Variants in ARHGAP23 observed in about 807,000 individuals in gnomAD.
ARHGAP23 encodes rho GTPase-activating protein 23.
In ARHGAP23, 34 loss-of-function variants were observed where a neutral mutation model predicts 136.3. The ratio of observed to expected loss-of-function variants is 0.25; its 90% confidence interval spans 0.19 to 0.33. The LOEUF (loss-of-function observed/expected upper bound fraction) is 0.33. Among genes scored for constraint, ARHGAP23 ranks in the 10% least tolerant of loss-of-function variants. The probability of loss-of-function intolerance (pLI) is 1.00; values close to 1 mark genes in which losing one functional copy is unlikely to be tolerated. For synonymous variants in ARHGAP23, 832 were observed against 920.5 expected (o/e 0.90, Z 1.74); for missense variants, 1,808 against 2,139.0 (o/e 0.85, Z 3.05).
At chr17:38,489,483 T>C (rs1396012077) in intron 17 of ARHGAP23, among the ~76,000 whole-genome samples, 2 of 149,932 alleles carry the variant, frequency 1.3e-5, no homozygotes, top group East Asian at 4.0e-4. Flanking sequence ...GCTTCCCCCC[T>C]TTCTAGCCTT....
At chr17:38,435,474 C>T (rs2038774486) in intron 1 of ARHGAP23, among the ~76,000 whole-genome samples, 1 of 152,194 alleles carries the variant, frequency 6.6e-6, no homozygotes, top group South Asian at 2.1e-4. Context: ...TTGGACTGAG[C>T]AATGCACAGG....
chr17:38,497,532 C>G (rs1360216754), intron 20 of ARHGAP23, among the ~76,000 whole-genome samples: 2 of 152,226 alleles, frequency 1.3e-5, no homozygotes, highest in African/African-American at 2.4e-5. Flanking sequence ...GGTGAATGCT[C>G]CCACTCCCTG....
In ARHGAP23 at chr17:38,490,555, G is replaced by C. The variant is rs769723627; in HGVS notation, c.3150+4G>C. 3.3e-6 allele frequency: 5 copies of C among 1,533,022 alleles called. No individual in the cohort carries two copies. In the South Asian group the frequency reaches 6.0e-5, roughly 18 times the overall value. 95.0% of individuals were successfully genotyped at this position (1,533,022 alleles called of 1,614,324 possible). ...TGACCACTCTGAGAAAAACAAGGTG[G>C]GTAGGAGTCCCGCATGGAGTCTGGG... On this transcript the variant is annotated splice_donor_region_variant and intron_variant, in intron 19 of 23. Transcript: ENST00000622683.
chr17:38,498,055 C>T (rs544932110), intron 21 of ARHGAP23, among the ~76,000 whole-genome samples: 7 of 148,736 alleles, frequency 4.7e-5, no homozygotes, highest in Admixed American at 2.7e-4. Context: ...GAGATATAGG[C>T]CTTGCTCAGA....
intron 1 of ARHGAP23, chr17:38,457,887 G>A: frequency 1.6e-6 from 1 of 606,362 alleles, no homozygotes; most frequent in Non-Finnish European, 2.9e-6. Flanking sequence ...GGGGACTGAG[G>A]GGAAAGGAAA....
In ARHGAP23 at chr17:38,477,635, C is replaced by A; in HGVS notation, c.2175C>A (p.Arg725=). ...GGGTGTACGCCGCGCTGCGGGCGCG[C>A]TCGCTCTCGCTGAGCAAGGAGCGGC... is the stretch of plus-strand genomic sequence containing the variant. ...WKRVYAALRA[R]SLSLSKERRE... The change falls in exon 12 of 24, where the codon CGC becomes CGA. Residue 725 remains arginine, a synonymous_variant. Transcript: ENST00000622683. This position sits in a 1 kb window ranked among gnomAD's most constrained non-coding sequence, Gnocchi z 6.6. The A allele has an allele frequency of 7.9e-7, 1 of 1,272,924 alleles. No individual in the cohort carries two copies. The highest frequency in any genetic ancestry group is 1.0e-6 in the Non-Finnish European group (1 of 1,003,754). 78.9% of individuals were successfully genotyped at this position (1,272,924 alleles called of 1,614,324 possible). A position where few individuals can be genotyped will look rare whatever the true frequency, so the allele number is the denominator to read the frequency against.
chr17:38,436,580 C>T (rs1280930194), intron 1 of ARHGAP23, among the ~76,000 whole-genome samples: 1 of 152,228 alleles, frequency 6.6e-6, no homozygotes, highest in Non-Finnish European at 1.5e-5. Flanking sequence ...TCCAGGCTCT[C>T]TCTTGGGACC....
chr17:38,462,069 C>A (rs2039472324), intron 3 of ARHGAP23, among the ~76,000 whole-genome samples: 1 of 151,898 alleles, frequency 6.6e-6, no homozygotes, highest in East Asian at 1.9e-4. Context: ...TCTTCTGCCT[C>A]AGCCTCCTGA....
chr17:38,467,368 A>C (rs994895856), intron 7 of ARHGAP23, 37 bp downstream of exon 7: 4 of 1,449,154 alleles, frequency 2.8e-6, no homozygotes, highest in Non-Finnish European at 2.7e-6. Flanking sequence ...TGGGGGACTT[A>C]GCTGTCGGCT....
At chr17:38,453,801 G>A (rs1003168383) in intron 1 of ARHGAP23, 1 of 144,514 alleles carries the variant, frequency 6.9e-6, no homozygotes, top group Non-Finnish European at 1.5e-5. Flanking sequence ...GCGGCTCCGG[G>A]GGGCGGGCGG....
chr17:38,502,810 C>T (rs1268177328), intron 23 of ARHGAP23, among the ~76,000 whole-genome samples: 1 of 152,092 alleles, frequency 6.6e-6, no homozygotes, highest in African/African-American at 2.4e-5. Context: ...ATTTGGAGGC[C>T]GAGGCAGGAG....
At chr17:38,501,325 G>A (rs972483900) in intron 23 of ARHGAP23, among the ~76,000 whole-genome samples, 17 of 151,590 alleles carry the variant, frequency 1.1e-4, no homozygotes, top group African/African-American at 2.4e-4. Context: ...TTTTTGAGAC[G>A]GAGTCTTGCT....
At chr17:38,507,803 T>C (rs1446166455) in intron 23 of ARHGAP23, among the ~76,000 whole-genome samples, 1 of 152,160 alleles carries the variant, frequency 6.6e-6, no homozygotes, top group Admixed American at 6.5e-5. Flanking sequence ...GACTCCTGAG[T>C]CCCTGACATG....
intron 18 of ARHGAP23, 71 bp downstream of exon 18, chr17:38,490,246 G>A (rs2040245536): frequency 6.9e-7 from 1 of 1,454,076 alleles, no homozygotes; most frequent in Non-Finnish European, 9.4e-7. Context: ...CAGGAGGCAG[G>A]GAGTCCGGTG....
chr17:38,504,786 G>A (rs1271229986), intron 23 of ARHGAP23, among the ~76,000 whole-genome samples: 1 of 151,988 alleles, frequency 6.6e-6, no homozygotes, highest in East Asian at 1.9e-4. Context: ...GTCTGTAGAC[G>A]TTCTCCAGGC....
In ARHGAP23 at chr17:38,477,669, G is replaced by A. The variant is rs761063283; in HGVS notation, c.2209G>A (p.Gly737Arg). The A allele has an allele frequency of 1.2e-5, 15 of 1,289,844 alleles. No individual in the cohort carries two copies. Among genetic ancestry groups the A allele is most frequent in the South Asian group, 6.4e-5 (3 of 47,026 alleles). 79.9% of individuals were successfully genotyped at this position (1,289,844 alleles called of 1,614,324 possible). A position where few individuals can be genotyped will look rare whatever the true frequency, so the allele number is the denominator to read the frequency against. ...LSLSKERREP[G>R]PAAAGAAAAG... ...GCTGAGCAAGGAGCGGCGGGAGCCC[G>A]GGCCGGCGGCGGCGGGGGCTGCGGC... The change falls in exon 12 of 24, where the codon GGG (glycine) becomes AGG (arginine). Residue 737 changes from glycine to arginine, a missense_variant. Physicochemically the swap from Gly to Arg is moderately radical, Grantham distance 125. Transcript: ENST00000622683. The surrounding 1 kb of genome is among the most constrained non-coding windows in gnomAD (Gnocchi z 6.6).
intron 17 of ARHGAP23, among the ~76,000 whole-genome samples, chr17:38,487,746 C>G (rs1010285162): frequency 3.3e-5 from 5 of 151,952 alleles, no homozygotes; most frequent in Non-Finnish European, 7.4e-5. Context: ...TGCCTGTAGT[C>G]CCAGCTGCTA....
intron 17 of ARHGAP23, among the ~76,000 whole-genome samples, chr17:38,487,173 G>GT (rs1358861849): frequency 6.6e-6 from 1 of 152,206 alleles, no homozygotes; most frequent in Admixed American, 6.5e-5. Context: ...TGGTTGAGTT[G>GT]TTTTTAACAA....
At chr17:38,457,744 T>A (rs1323551184) in intron 1 of ARHGAP23, 1 of 357,612 alleles carries the variant, frequency 2.8e-6, no homozygotes, top group Non-Finnish European at 5.1e-6. Context: ...CGACAGGCAC[T>A]TCCTGGGCAG....
Sources: allele counts gnomAD v4.1 joint callset (sites outside exome capture counted in the v4.1 genomes callset), GRCh38; gene constraint gnomAD v4.1.1; non-coding constraint Gnocchi (gnomAD v3.1); transcripts MANE v1.5; gene names NCBI Gene and HGNC (gene_info 2026-07-23, HGNC 2026-07-21).